The following MBOAT1 variants were observed in gnomAD, a reference collection of about 807,000 sequenced individuals.
MBOAT1 encodes membrane bound glycerophospholipid O-acyltransferase 1.
In MBOAT1, 67 loss-of-function variants were observed where a neutral mutation model predicts 64.4. The ratio of observed to expected loss-of-function variants is 1.04; its 90% confidence interval spans 0.85 to 1.27. The LOEUF is 1.27. MBOAT1 is among the 50% of genes most tolerant of loss of function. The pLI is 0.00. For missense variants in MBOAT1, 563 were observed against 604.6 expected, an observed-to-expected ratio of 0.93 and a Z score of 0.72; for synonymous variants, 229 against 218.9, an observed-to-expected ratio of 1.05 and a Z score of -0.41.
At chr6:20,165,600 A>G (rs184428851) in intron 1 of MBOAT1, among the ~76,000 whole-genome samples, 91 of 152,190 alleles carry the variant, frequency 6.0e-4, no homozygotes, top group African/African-American at 2.1e-3. Flanking sequence ...AAAATTAGCC[A>G]GGCATGGTGG....
intron 4 of MBOAT1, among the ~76,000 whole-genome samples, chr6:20,138,659 C>T (rs924050381): frequency 6.6e-6 from 1 of 152,160 alleles, no homozygotes; most frequent in African/African-American, 2.4e-5. Flanking sequence ...ACAAGAACAG[C>T]CAGAGATGCA....
intron 1 of MBOAT1, among the ~76,000 whole-genome samples, chr6:20,169,237 C>G (rs924336107): frequency 2.6e-5 from 4 of 152,086 alleles, no homozygotes; most frequent in African/African-American, 7.3e-5. Flanking sequence ...TATGCAACAC[C>G]CCAGGGTGTG....
At chr6:20,154,681 C>A (rs774504436) in intron 1 of MBOAT1, among the ~76,000 whole-genome samples, 4 of 152,204 alleles carry the variant, frequency 2.6e-5, no homozygotes, top group Non-Finnish European at 2.9e-5. Context: ...GCCTGTCCTG[C>A]GTGATTTGGT....
intron 1 of MBOAT1, among the ~76,000 whole-genome samples, chr6:20,166,182 C>T (rs1762010574): frequency 6.6e-6 from 1 of 152,144 alleles, no homozygotes; most frequent in African/African-American, 2.4e-5. Flanking sequence ...AAAAACTACA[C>T]TGTAACTTGT....
chr6:20,170,420 G>A (rs1408149833), intron 1 of MBOAT1, among the ~76,000 whole-genome samples: 6 of 152,034 alleles, frequency 3.9e-5, no homozygotes, highest in Admixed American at 3.9e-4. Flanking sequence ...CTTAGCTAAC[G>A]GTGGGGTTGT....
At chr6:20,170,745 C>T (rs181692079) in intron 1 of MBOAT1, among the ~76,000 whole-genome samples, 7 of 152,318 alleles carry the variant, frequency 4.6e-5, no homozygotes, top group African/African-American at 1.7e-4. Context: ...TGTGGGAACA[C>T]GCTCAGCTTC....
At chr6:20,130,646 C>T (rs546363890) in intron 5 of MBOAT1, among the ~76,000 whole-genome samples, 1 of 151,918 alleles carries the variant, frequency 6.6e-6, no homozygotes, top group Non-Finnish European at 1.5e-5. Flanking sequence ...AGCCACCGTG[C>T]CTGGCCCCTT....
chr6:20,204,257 T>G (rs1049161971), intron 1 of MBOAT1, among the ~76,000 whole-genome samples: 4 of 152,164 alleles, frequency 2.6e-5, no homozygotes, highest in African/African-American at 7.2e-5. Flanking sequence ...CGAGGCCCCG[T>G]GTCCTCTGGC....
At chr6:20,116,155 A>C (rs1246059380) in intron 9 of MBOAT1, among the ~76,000 whole-genome samples, 1 of 152,098 alleles carries the variant, frequency 6.6e-6, no homozygotes, top group Admixed American at 6.6e-5. Context: ...AACATGGCGA[A>C]ACCCAGTCTC....
chr6:20,173,365 GA>G lies in MBOAT1; in HGVS notation c.100-20597del, dbSNP rs567112167. 2.1e-3 allele frequency among the ~76,000 whole-genome samples: 294 copies of G among 140,214 alleles called. No homozygotes were observed. The Middle Eastern group carries it at 0.022, about 11-fold the overall frequency. The allele number at this position is 140,214 out of a possible 152,430, so 92.0% of individuals were successfully genotyped here. A position where few individuals can be genotyped will look rare whatever the true frequency, so the allele number is the denominator to read the frequency against. ...CTTCTAGATGTCTGCATCCATGAAA[GA>G]AAAAAAAAAACTTCTGGAAGTTAAT... On this transcript the variant is annotated intron_variant, in intron 1 of 12. Coordinates refer to ENST00000324607, the MANE Select transcript of MBOAT1 (RefSeq NM_001080480.3).
chr6:20,150,522 T>C (rs990771996), intron 3 of MBOAT1, among the ~76,000 whole-genome samples: 2 of 151,784 alleles, frequency 1.3e-5, no homozygotes, highest in Non-Finnish European at 2.9e-5. Flanking sequence ...ATCCACGACA[T>C]TGAGTATACC....
chr6:20,138,259 C>A (rs1215398123), intron 4 of MBOAT1, among the ~76,000 whole-genome samples: 1 of 152,196 alleles, frequency 6.6e-6, no homozygotes, highest in African/African-American at 2.4e-5. Flanking sequence ...ACTCAGTAAT[C>A]ACAGAACTGA....
chr6:20,205,977 T>G (rs1379535964), intron 1 of MBOAT1, among the ~76,000 whole-genome samples: 1 of 152,012 alleles, frequency 6.6e-6, no homozygotes, highest in Non-Finnish European at 1.5e-5. Context: ...ACTTCTCAAC[T>G]TGCATCCACG....
chr6:20,159,694 AT>A (rs1489242211), intron 1 of MBOAT1, among the ~76,000 whole-genome samples: 1 of 152,178 alleles, frequency 6.6e-6, no homozygotes, highest in Non-Finnish European at 1.5e-5. Flanking sequence ...GTGATAGGTT[AT>A]GTTAATTAGC....
At chr6:20,119,802 T>A (rs1372280586) in intron 8 of MBOAT1, among the ~76,000 whole-genome samples, 1 of 152,134 alleles carries the variant, frequency 6.6e-6, no homozygotes, top group African/African-American at 2.4e-5. Flanking sequence ...GGGAACTAAT[T>A]CGTGAGTGAC....
intron 1 of MBOAT1, among the ~76,000 whole-genome samples, chr6:20,206,687 G>A (rs1169796420): frequency 6.6e-6 from 1 of 152,026 alleles, no homozygotes; most frequent in East Asian, 1.9e-4. Context: ...GACACCTTAG[G>A]GACCTCATAG....
chr6:20,156,188 G>A (rs530429536), intron 1 of MBOAT1, among the ~76,000 whole-genome samples: 79 of 151,256 alleles, frequency 5.2e-4, no homozygotes, highest in Middle Eastern at 3.4e-3. Context: ...GGAGAATGGC[G>A]CGAACCTGGG....
chr6:20,116,605 T>G (rs1426389763), intron 9 of MBOAT1, among the ~76,000 whole-genome samples: 1 of 152,192 alleles, frequency 6.6e-6, no homozygotes, highest in African/African-American at 2.4e-5. Context: ...TCAAGGAGTT[T>G]TATTTATCTA....
rs146068248 is a variant in MBOAT1, at chr6:20,143,055, C to T, written c.419+1165G>A. ...GCCATGAGCGGTCACTCCCTCATTT[C>T]ACTGCCTAGTTGCCAACAACTCACT... On this transcript the variant is annotated intron_variant, in intron 4 of 12. Coordinates refer to ENST00000324607, the MANE Select transcript of MBOAT1 (RefSeq NM_001080480.3). Among the ~76,000 whole-genome samples the T allele has an allele frequency of 1.8e-3, 273 of 152,312 alleles. 1 individual carries two copies. The highest frequency in any genetic ancestry group is 6.5e-3 in the African/African-American group (270 of 41,572).
Sources: gnomAD v4.1 joint callset for allele counts (sites outside exome capture counted in the v4.1 genomes callset) on GRCh38, gnomAD v4.1.1 for gene constraint, MANE v1.5 for transcripts, NCBI Gene and HGNC (gene_info 2026-07-23, HGNC 2026-07-21) for gene names.